Variants in ESF1 observed in about 807,000 individuals in gnomAD.
ESF1 encodes the protein ESF1 nucleolar pre-rRNA processing protein.
ESF1 carries 58 observed loss-of-function variants against 92.0 expected under a neutral mutation model. That is an observed-to-expected ratio of 0.63 (90% CI 0.51 to 0.78). The LOEUF (loss-of-function observed/expected upper bound fraction) is 0.78. ESF1 is among the 30% of genes least tolerant of loss of function. The pLI, the probability that ESF1 is intolerant of heterozygous loss-of-function variation, is 0.00. For missense variants in ESF1, 922 were observed against 989.1 expected, an observed-to-expected ratio of 0.93 and a Z score of 0.91; for synonymous variants, 321 against 313.7, an observed-to-expected ratio of 1.02 and a Z score of -0.24.
intron 8 of ESF1, among the ~76,000 whole-genome samples, chr20:13,765,084 A>T (rs1600288670): frequency 6.6e-6 from 1 of 151,962 alleles, no homozygotes; most frequent in Non-Finnish European, 1.5e-5. Context: ...TTACCCGGGC[A>T]TGGTGGTGGG....
Position 13,718,927 on chromosome 20 carries a change from A to C in ESF1, c.2096T>G (p.Ile699Ser). Residue 699 changes from isoleucine (I) to serine (S), a missense_variant, in exon 12 of 14, where the codon ATT (isoleucine) becomes AGT (serine). By Grantham distance (142) the Ile-to-Ser change is moderately radical. Transcript: ENST00000617257. The stretch of plus-strand genomic sequence containing the variant: ...TTTTACCTTTTGTCTTTCTATTTCA[A>C]TTTCTTCTTCTGGAGATGTGCCATC... ...AKDGTSPEEE[I>S]EIERQKAEMA... 1 of 1,603,248 alleles carries C rather than the reference A, an allele frequency of 6.2e-7. No individual in the cohort carries two copies. Among genetic ancestry groups the C allele is most frequent in the East Asian group, 2.3e-5 (1 of 44,186 alleles).
At chr20:13,731,510 C>T (rs373220126) in intron 10 of ESF1, among the ~76,000 whole-genome samples, 66 of 117,980 alleles carry the variant, frequency 5.6e-4, no homozygotes, top group African/African-American at 1.8e-3. Flanking sequence ...CCAGCCTGGG[C>T]GACAGAGCGA....
intron 11 of ESF1, among the ~76,000 whole-genome samples, chr20:13,725,448 GA>G (rs1430588046): frequency 6.6e-6 from 1 of 151,728 alleles, no homozygotes; most frequent in Non-Finnish European, 1.5e-5. Context: ...TGAAACTTCT[GA>G]AAAAAGATCT....
rs545738514 is a variant in ESF1, at chr20:13,761,380, A to C, written c.1667-1527T>G. On this transcript the variant is annotated intron_variant, in intron 8 of 13. Transcript: ENST00000617257. The stretch of plus-strand genomic sequence containing the variant: ...AGAAACACCCAAGAATGATCAATTA[A>C]AAAAAAATAAATAAAATAAAAATAC... Among the ~76,000 whole-genome samples the C allele has an allele frequency of 4.6e-5, 7 of 150,776 alleles. No individual in the cohort carries two copies. In the East Asian group the frequency reaches 1.4e-3, roughly 29 times the overall value.
rs973263019 is a variant in ESF1, at chr20:13,767,055, A to G, written c.1519-131T>C. ...AGTTAAGACACATTAAAACAAATACATGAATGATATGATTAATAAATAGTA... is the reference window on the plus strand; with the variant it reads ...AGTTAAGACACATTAAAACAAATACGTGAATGATATGATTAATAAATAGTA... On this transcript the variant is annotated intron_variant, in intron 7 of 13. Coordinates refer to ENST00000617257, the MANE Select transcript of ESF1 (RefSeq NM_001276380.2). 10 of 755,986 alleles carry G rather than the reference A, an allele frequency of 1.3e-5. No individual in the cohort carries two copies. The Admixed American group carries it at 2.5e-4, about 19-fold the overall frequency. The allele number at this position is 755,986 out of a possible 1,614,324, so 46.8% of individuals were successfully genotyped here.
chr20:13,744,721 C>A (rs1272230786), intron 9 of ESF1, among the ~76,000 whole-genome samples: 1 of 152,218 alleles, frequency 6.6e-6, no homozygotes, highest in African/African-American at 2.4e-5. Context: ...TGACTACTGT[C>A]ATTTCCATTA....
chr20:13,726,196 A>T (rs186777433), intron 11 of ESF1, among the ~76,000 whole-genome samples: 5 of 152,310 alleles, frequency 3.3e-5, no homozygotes, highest in Admixed American at 2.6e-4. Flanking sequence ...ATGTTAATCT[A>T]TACCAGATTA....
intron 9 of ESF1, among the ~76,000 whole-genome samples, chr20:13,734,432 G>A (rs1472256389): frequency 6.6e-6 from 1 of 152,102 alleles, no homozygotes; most frequent in Non-Finnish European, 1.5e-5. Context: ...AGATCAGAAG[G>A]ACCACCAAGT....
chr20:13,764,773 G>A (rs960370359), intron 8 of ESF1, among the ~76,000 whole-genome samples: 10 of 151,980 alleles, frequency 6.6e-5, no homozygotes, highest in South Asian at 2.1e-4. Context: ...GGCTGAGGAG[G>A]AGCAGGAAGA....
At chr20:13,760,710 CG>C (rs1158799031) in intron 8 of ESF1, among the ~76,000 whole-genome samples, 1 of 148,932 alleles carries the variant, frequency 6.7e-6, no homozygotes, top group African/African-American at 2.5e-5. Context: ...GGGAGGGAGG[CG>C]GGGGGTCAGC....
At chr20:13,771,558 C>A (rs1425057286) in intron 5 of ESF1, 75 bp from the exon 6 acceptor site, 1 of 1,252,180 alleles carries the variant, frequency 8.0e-7, no homozygotes, top group East Asian at 2.3e-5. Flanking sequence ...AAATGTAATT[C>A]TTTCAAGAAA....
intron 9 of ESF1, among the ~76,000 whole-genome samples, chr20:13,757,652 C>T (rs1169244780): frequency 6.6e-6 from 1 of 152,152 alleles, no homozygotes; most frequent in Non-Finnish European, 1.5e-5. Context: ...AATCCACCCA[C>T]CTTGGCCTCT....
chr20:13,733,970 T>C, intron 9 of ESF1, 128 bp from the exon 10 acceptor site: 1 of 1,091,248 alleles, frequency 9.2e-7, no homozygotes, highest in Non-Finnish European at 1.2e-6. Context: ...CATGCAATGG[T>C]AAATATCTGT....
chr20:13,749,942 G>C (rs900359678), intron 9 of ESF1, among the ~76,000 whole-genome samples: 3 of 152,232 alleles, frequency 2.0e-5, no homozygotes, highest in African/African-American at 7.2e-5. Context: ...ATTGAGGAAG[G>C]AAAGTACCCT....
At chr20:13,759,276 T>C (rs868063741) in intron 9 of ESF1, among the ~76,000 whole-genome samples, 7 of 152,334 alleles carry the variant, frequency 4.6e-5, no homozygotes, top group Middle Eastern at 3.4e-3. Context: ...CGCAGCAAGA[T>C]TGAAAATCGA....
chr20:13,759,089 T>C (rs1979035180), intron 9 of ESF1, among the ~76,000 whole-genome samples: 1 of 152,226 alleles, frequency 6.6e-6, no homozygotes, highest in South Asian at 2.1e-4. Flanking sequence ...AGTATCTTAT[T>C]GTACTATACT....
At chr20:13,748,568 GTGTGTGTATATA>G (rs1278473359) in intron 9 of ESF1, among the ~76,000 whole-genome samples, 3 of 14,186 alleles carry the variant, frequency 2.1e-4, no homozygotes, top group African/African-American at 1.1e-3. Context: ...ATATATATGT[GTGTGTGTATATA>G]TATATATATA....
chr20:13,749,275 A>G (rs6042344), intron 9 of ESF1, among the ~76,000 whole-genome samples: 137,959 of 141,328 alleles, frequency 0.98, 67,401 homozygotes, highest in East Asian at 1. Context: ...TTGTAGCAAC[A>G]GGGTTTCACC....
At position 13,775,855 on chromosome 20, in the gene ESF1, G is replaced by C; in HGVS notation, c.1035+18C>G. The C allele has an allele frequency of 2.5e-6, 4 of 1,568,874 alleles. No homozygotes were observed. Among genetic ancestry groups the C allele is most frequent in the Non-Finnish European group, 3.4e-6 (4 of 1,160,840 alleles). On this transcript the variant is annotated intron_variant, in intron 3 of 13. Coordinates refer to ENST00000617257, the MANE Select transcript of ESF1 (RefSeq NM_001276380.2). ...TACTGTGTTTTTCACAAATAATCTTGTTTATTCAAAAGGTTACCTCATCAG... is the reference window on the plus strand; with the variant it reads ...TACTGTGTTTTTCACAAATAATCTTCTTTATTCAAAAGGTTACCTCATCAG...
Sources: allele counts gnomAD v4.1 joint callset (sites outside exome capture counted in the v4.1 genomes callset), GRCh38; gene constraint gnomAD v4.1.1; transcripts MANE v1.5; gene names NCBI Gene and HGNC (gene_info 2026-07-23, HGNC 2026-07-21).